The following GRIN2B variants were observed in gnomAD, a reference collection of about 807,000 sequenced individuals.
GRIN2B encodes glutamate receptor ionotropic, NMDA 2B.
GRIN2B carries 5 observed loss-of-function variants against 114.5 expected under a neutral mutation model. That is an observed-to-expected ratio of 0.04 (90% CI 0.02 to 0.09). The LOEUF is 0.09. Among genes scored for constraint, GRIN2B ranks in the 10% least tolerant of loss-of-function variants. The pLI, the probability that GRIN2B is intolerant of heterozygous loss-of-function variation, is 1.00. For synonymous variants in GRIN2B, 787 were observed against 745.1 expected (o/e 1.06, Z -0.92); for missense variants, 1,108 against 1,943.5 (o/e 0.57, Z 8.08).
intron 4 of GRIN2B, among the ~76,000 whole-genome samples, chr12:13,716,456 C>A (rs115355801): frequency 1.3e-5 from 2 of 151,768 alleles, no homozygotes; most frequent in African/African-American, 2.4e-5. Context: ...CACAGTGGCA[C>A]CTTATACAGG....
chr12:13,819,971 T>C (rs1241268515), intron 3 of GRIN2B, among the ~76,000 whole-genome samples: 1 of 152,156 alleles, frequency 6.6e-6, no homozygotes, highest in Non-Finnish European at 1.5e-5. Flanking sequence ...CATAGGATTC[T>C]CCCACTTGGT....
At chr12:13,695,531 T>C (rs2136562867) in intron 4 of GRIN2B, among the ~76,000 whole-genome samples, 1 of 151,686 alleles carries the variant, frequency 6.6e-6, no homozygotes, top group East Asian at 1.9e-4. Context: ...GTCCAGAGAG[T>C]GTGTCAGGTA....
intron 3 of GRIN2B, among the ~76,000 whole-genome samples, chr12:13,754,601 A>G (rs563897211): frequency 6.6e-6 from 1 of 152,324 alleles, no homozygotes; most frequent in South Asian, 2.1e-4. Flanking sequence ...TGTTAAATTA[A>G]TATCACATTT....
chr12:13,700,967 G>C (rs1950306461), intron 4 of GRIN2B, among the ~76,000 whole-genome samples: 1 of 152,146 alleles, frequency 6.6e-6, no homozygotes, highest in Admixed American at 6.6e-5. Flanking sequence ...TAAAGAAAAA[G>C]ATTTAATTGA....
intron 2 of GRIN2B, among the ~76,000 whole-genome samples, chr12:13,979,653 G>A (rs74067049): frequency 0.061 from 9,240 of 151,822 alleles, 367 homozygotes; most frequent in African/African-American, 0.11. Flanking sequence ...TATAGATATA[G>A]ATACATTCCC....
At chr12:13,670,442 T>A (rs1446884245) in intron 5 of GRIN2B, 1 of 152,138 alleles carries the variant, frequency 6.6e-6, no homozygotes, top group Non-Finnish European at 1.5e-5. Flanking sequence ...AGCCCAAAAA[T>A]GCACCATCAT....
At chr12:13,744,741 G>A (rs1863347518) in intron 4 of GRIN2B, among the ~76,000 whole-genome samples, 1 of 152,184 alleles carries the variant, frequency 6.6e-6, no homozygotes, top group Non-Finnish European at 1.5e-5. Flanking sequence ...TCTGTCAGCA[G>A]CAGTTCCTTC....
At chr12:13,954,758 G>A (rs1461533072) in intron 2 of GRIN2B, among the ~76,000 whole-genome samples, 8 of 130,290 alleles carry the variant, frequency 6.1e-5, no homozygotes, top group East Asian at 2.3e-4. Context: ...GCTGTGAGCC[G>A]AGATCTTGCC....
chr12:13,644,853 C>G (rs1030830755), intron 5 of GRIN2B, among the ~76,000 whole-genome samples: 10 of 152,156 alleles, frequency 6.6e-5, no homozygotes, highest in African/African-American at 2.4e-4. Flanking sequence ...CCTCACCTCT[C>G]TCAGCCTTCA....
chr12:13,705,222 T>C (rs1237351929), intron 4 of GRIN2B, among the ~76,000 whole-genome samples: 6 of 152,082 alleles, frequency 3.9e-5, no homozygotes, highest in African/African-American at 1.2e-4. Flanking sequence ...TTACCCATTA[T>C]CTCCCTAACT....
intron 2 of GRIN2B, among the ~76,000 whole-genome samples, chr12:13,939,144 A>G (rs1419813193): frequency 1.3e-5 from 2 of 152,200 alleles, no homozygotes; most frequent in Non-Finnish European, 2.9e-5. Context: ...GATCTTCAGT[A>G]GCGTTTAGTT....
intron 4 of GRIN2B, among the ~76,000 whole-genome samples, chr12:13,720,513 C>T (rs116473583): frequency 2.6e-5 from 4 of 152,044 alleles, no homozygotes; most frequent in African/African-American, 4.8e-5. Flanking sequence ...AAAGCAAAGT[C>T]TAGTCTGTCA....
chr12:13,864,428 A>G (rs1722492550), intron 3 of GRIN2B, among the ~76,000 whole-genome samples: 1 of 152,238 alleles, frequency 6.6e-6, no homozygotes, highest in Non-Finnish European at 1.5e-5. Flanking sequence ...TTTTAAGTAC[A>G]AAACTAAAGG....
At chr12:13,965,557 C>CCACACACA (rs138577851) in intron 2 of GRIN2B, among the ~76,000 whole-genome samples, 2,713 of 150,240 alleles carry the variant, frequency 0.018, 59 homozygotes, top group African/African-American at 0.054. Flanking sequence ...AGATTACACA[C>CCACACACA]CACACACACA....
intron 9 of GRIN2B, among the ~76,000 whole-genome samples, chr12:13,609,688 G>C (rs540011244): frequency 7.9e-5 from 12 of 151,978 alleles, no homozygotes; most frequent in Non-Finnish European, 1.8e-4. Flanking sequence ...CAGGAGAATG[G>C]TGTGAACCCG....
At chr12:13,762,627 G>A (rs1863700065) in intron 3 of GRIN2B, among the ~76,000 whole-genome samples, 1 of 152,246 alleles carries the variant, frequency 6.6e-6, no homozygotes, top group Non-Finnish European at 1.5e-5. Context: ...ATGAGTGCTA[G>A]TACCTCATGT....
chr12:13,913,236 C>T (rs757933613), intron 2 of GRIN2B, among the ~76,000 whole-genome samples: 19 of 152,164 alleles, frequency 1.2e-4, no homozygotes, highest in Non-Finnish European at 2.4e-4. Flanking sequence ...GAAAGCACAA[C>T]ATTCAAGTAT....
At chr12:13,666,164 C>T (rs1261776221) in intron 5 of GRIN2B, among the ~76,000 whole-genome samples, 1 of 152,314 alleles carries the variant, frequency 6.6e-6, no homozygotes, top group Non-Finnish European at 1.5e-5. Flanking sequence ...AGGTCCATCA[C>T]TCCCTCCCCA....
chr12:13,569,779 G>T (rs751876386), intron 12 of GRIN2B, 51 bp downstream of exon 12: 1 of 1,122,408 alleles, frequency 8.9e-7, no homozygotes, highest in South Asian at 1.5e-5. Context: ...TGATGTTTTG[G>T]ACTGGCCATC....
Sources: allele counts gnomAD v4.1 joint callset (sites outside exome capture counted in the v4.1 genomes callset), GRCh38; gene constraint gnomAD v4.1.1; transcripts MANE v1.5; gene names NCBI Gene and HGNC (gene_info 2026-07-23, HGNC 2026-07-21).